Variants in MKRN1 observed in about 807,000 individuals in gnomAD.
MKRN1 encodes E3 ubiquitin-protein ligase makorin-1.
Under a neutral mutation model 55.5 loss-of-function variants are expected in MKRN1, and 9 were observed. That is an observed-to-expected ratio of 0.16 (90% CI 0.10 to 0.28). The LOEUF (loss-of-function observed/expected upper bound fraction) is 0.28. MKRN1 is among the 10% of genes least tolerant of loss of function. The probability of loss-of-function intolerance (pLI) is 1.00; values close to 1 mark genes in which losing one functional copy is unlikely to be tolerated. For missense variants in MKRN1, 488 were observed against 626.7 expected, an observed-to-expected ratio of 0.78 and a Z score of 2.36; for synonymous variants, 253 against 235.9, an observed-to-expected ratio of 1.07 and a Z score of -0.66.
chr7:140,455,819 T>A lies in MKRN1; in HGVS notation c.1068A>T (p.Lys356Asn). Reference protein sequence around the residue: ...YWVEEKEEKQKLILKYKEAMS... With the variant: ...YWVEEKEEKQNLILKYKEAMS... ...TTGCCTCCTTGTATTTCAGAATGAG[T>A]TTCTGCTTCTCTTCTTTCTCCTCCA... The change falls in exon 6 of 8, where the codon AAA (lysine) becomes AAT (asparagine). Residue 356 changes from lysine to asparagine, a missense_variant. Transcript: ENST00000255977. 1 of 1,613,648 alleles carries A rather than the reference T, an allele frequency of 6.2e-7. No individual in the cohort carries two copies. Among genetic ancestry groups the A allele is most frequent in the Non-Finnish European group, 8.5e-7 (1 of 1,179,786 alleles).
At chr7:140,476,135 G>C (rs1458282605) in intron 1 of MKRN1, among the ~76,000 whole-genome samples, 2 of 152,162 alleles carry the variant, frequency 1.3e-5, no homozygotes, top group Non-Finnish European at 1.5e-5. Flanking sequence ...GTGCTATAGG[G>C]AGAAATGAGC....
chr7:140,465,159 T>C (rs925583772), intron 2 of MKRN1, among the ~76,000 whole-genome samples: 1 of 152,150 alleles, frequency 6.6e-6, no homozygotes, highest in African/African-American at 2.4e-5. Flanking sequence ...TTTTAAAGTA[T>C]TGGATTCTTC....
chr7:140,465,366 G>A (rs1794738363), intron 2 of MKRN1, among the ~76,000 whole-genome samples: 1 of 152,028 alleles, frequency 6.6e-6, no homozygotes, highest in Non-Finnish European at 1.5e-5. Flanking sequence ...CAGGCATGGT[G>A]GCACATGCCT....
chr7:140,475,531 G>T (rs185318829), intron 1 of MKRN1, among the ~76,000 whole-genome samples: 1 of 152,198 alleles, frequency 6.6e-6, no homozygotes, highest in Admixed American at 6.6e-5. Flanking sequence ...TGGGGTGGTG[G>T]CACGTGCCTG....
chr7:140,471,845 C>T, intron 2 of MKRN1, 38 bp downstream of exon 2: 1 of 1,597,418 alleles, frequency 6.3e-7, no homozygotes, highest in South Asian at 1.1e-5. Flanking sequence ...CTTTTTCCTC[C>T]AACCCACCCC....
At position 140,459,691 on chromosome 7, in the gene MKRN1, T is replaced by A. The variant is rs1190365383; in HGVS notation, c.544+16A>T. ...TCCAGCCCTCTAACTCTTATTTTCT[T>A]CTTCAGAATACTTACTACGGCCACA... is the stretch of plus-strand genomic sequence containing the variant. On this transcript the variant is annotated intron_variant, in intron 3 of 7. Coordinates refer to ENST00000255977, the MANE Select transcript of MKRN1 (RefSeq NM_013446.4). 5.0e-6 allele frequency: 8 copies of A among 1,608,868 alleles called. No individual in the cohort carries two copies.
chr7:140,474,020 A>C (rs1795031596), intron 1 of MKRN1, among the ~76,000 whole-genome samples: 1 of 51,148 alleles, frequency 2.0e-5, no homozygotes, highest in African/African-American at 1.9e-4. Context: ...AAAGAAAGAA[A>C]GAAAGAAAGA....
chr7:140,463,612 G>A (rs898784869), intron 2 of MKRN1, among the ~76,000 whole-genome samples: 3 of 152,070 alleles, frequency 2.0e-5, no homozygotes, highest in Non-Finnish European at 4.4e-5. Flanking sequence ...CAGGCTGGAC[G>A]CGGTGGCTCA....
chr7:140,478,241 C>A (rs1453743989), intron 1 of MKRN1: 3 of 152,150 alleles, frequency 2.0e-5, no homozygotes, highest in Non-Finnish European at 4.4e-5. Flanking sequence ...ATTTAAAAAC[C>A]GGAAAATAAA....
chr7:140,473,143 A>T, intron 1 of MKRN1: 1 of 395,016 alleles, frequency 2.5e-6, no homozygotes, highest in South Asian at 1.9e-5. Context: ...AGTCTACGTC[A>T]AAGAATTTCT....
intron 2 of MKRN1, among the ~76,000 whole-genome samples, chr7:140,466,029 C>T (rs1473422320): frequency 2.0e-5 from 3 of 151,896 alleles, no homozygotes; most frequent in Non-Finnish European, 2.9e-5. Context: ...TGCATTGAGC[C>T]GAGATCACGC....
chr7:140,461,068 G>A (rs1231028130), intron 2 of MKRN1, among the ~76,000 whole-genome samples: 3 of 152,206 alleles, frequency 2.0e-5, no homozygotes. Flanking sequence ...CAGAAACCCT[G>A]CAGGCAAAAC....
intron 2 of MKRN1, among the ~76,000 whole-genome samples, chr7:140,469,228 A>T (rs1794852422): frequency 6.6e-6 from 1 of 151,776 alleles, no homozygotes; most frequent in Non-Finnish European, 1.5e-5. Flanking sequence ...CAGGAGGCTG[A>T]GGCAGGAGAA....
chr7:140,468,404 C>A (rs907230068), intron 2 of MKRN1, among the ~76,000 whole-genome samples: 1 of 152,004 alleles, frequency 6.6e-6, no homozygotes, highest in South Asian at 2.1e-4. Flanking sequence ...CTGCAAAAGA[C>A]ATGCCTGGTG....
Position 140,453,690 on chromosome 7 carries a change from T to A in MKRN1, c.*827A>T, listed in dbSNP as rs1457938983. On this transcript the variant is annotated 3_prime_UTR_variant, in exon 8 of 8. Coordinates refer to ENST00000255977, the MANE Select transcript of MKRN1 (RefSeq NM_013446.4). The stretch of plus-strand genomic sequence containing the variant: ...CAACTACCAATATACTGCTTTGCCC[T>A]TTAAGATCTATCTGCCACACAAGGC... 1 of 152,352 alleles carries A rather than the reference T, an allele frequency of 6.6e-6. No homozygotes were observed. The highest frequency in any genetic ancestry group is 2.4e-5 in the African/African-American group (1 of 41,444). The allele number at this position is 152,352 out of a possible 1,614,324, so 9.4% of individuals were successfully genotyped here. A position where few individuals can be genotyped will look rare whatever the true frequency, so the allele number is the denominator to read the frequency against.
At chr7:140,458,965 A>T (rs1342121217) in intron 4 of MKRN1, 42 bp downstream of exon 4, 1 of 1,587,380 alleles carries the variant, frequency 6.3e-7, no homozygotes, top group Non-Finnish European at 8.6e-7. Context: ...GCAAATAATG[A>T]TTCTCACATC....
intron 2 of MKRN1, among the ~76,000 whole-genome samples, chr7:140,468,996 C>G (rs1454980280): frequency 6.6e-6 from 1 of 152,034 alleles, no homozygotes. Flanking sequence ...CTATTTGAAC[C>G]CAGTGGCTCA....
intron 2 of MKRN1, among the ~76,000 whole-genome samples, chr7:140,465,363 G>A (rs559251369): frequency 6.6e-6 from 1 of 152,146 alleles, no homozygotes; most frequent in African/African-American, 2.4e-5. Flanking sequence ...AGCCAGGCAT[G>A]GTGGCACATG....
intron 1 of MKRN1, 98 bp downstream of exon 1, chr7:140,479,062 C>A: frequency 1.6e-6 from 2 of 1,225,776 alleles, no homozygotes; most frequent in Non-Finnish European, 2.0e-6. Context: ...CCCTCCCGCG[C>A]CTCTAGCCGC....
Sources: gnomAD v4.1 joint callset for allele counts (sites outside exome capture counted in the v4.1 genomes callset) on GRCh38, gnomAD v4.1.1 for gene constraint, MANE v1.5 for transcripts, NCBI Gene and HGNC (gene_info 2026-07-23, HGNC 2026-07-21) for gene names.